The following PARD3 variants were observed in gnomAD, a reference collection of about 807,000 sequenced individuals.
PARD3 encodes partitioning defective 3 homolog.
Under a neutral mutation model 155.4 loss-of-function variants are expected in PARD3, and 75 were observed. The ratio of observed to expected loss-of-function variants is 0.48; its 90% CI spans 0.40 to 0.58. The LOEUF (loss-of-function observed/expected upper bound fraction) is 0.58. Among genes scored for constraint, PARD3 ranks in the 20% least tolerant of loss-of-function variants. The pLI, the probability that PARD3 is intolerant of heterozygous loss-of-function variation, is 0.00. For missense variants in PARD3, 1,642 were observed against 1,721.7 expected, an observed-to-expected ratio of 0.95 and a Z score of 0.82; for synonymous variants, 576 against 610.5, an observed-to-expected ratio of 0.94 and a Z score of 0.83.
intron 22 of PARD3, among the ~76,000 whole-genome samples, chr10:34,192,782 G>A (rs1009844782): frequency 3.3e-5 from 5 of 152,224 alleles, no homozygotes; most frequent in African/African-American, 1.2e-4. Context: ...GTTATCTCCA[G>A]GCTTTCTAAG....
At chr10:34,391,340 T>C (rs1192675129) in intron 7 of PARD3, among the ~76,000 whole-genome samples, 1 of 152,220 alleles carries the variant, frequency 6.6e-6, no homozygotes, top group Non-Finnish European at 1.5e-5. Context: ...TAGAATTCTA[T>C]GCACTACTGC....
intron 19 of PARD3, 44 bp downstream of exon 19, chr10:34,331,073 G>C (rs1589205099): frequency 1.3e-6 from 2 of 1,484,350 alleles, no homozygotes; most frequent in Non-Finnish European, 1.9e-6. Flanking sequence ...TTAAGAAATA[G>C]AGTCTAATTT....
chr10:34,109,698 C>T lies in PARD3; in HGVS notation c.*1471G>A, dbSNP rs546752833. The T allele has an allele frequency of 6.6e-6, 1 of 152,174 alleles. No individual in the cohort carries two copies. The highest frequency in any genetic ancestry group is 2.1e-4 in the South Asian group (1 of 4,808). 9.4% of individuals were successfully genotyped at this position (152,174 alleles called of 1,614,324 possible). A position where few individuals can be genotyped will look rare whatever the true frequency, so the allele number is the denominator to read the frequency against. On this transcript the variant is annotated 3_prime_UTR_variant, in exon 25 of 25. Transcript: ENST00000374788. ...GTACACTGGTAACACCACTTAGACA[C>T]CGCCGCACGTGATTAAGAAACAGAA... is the stretch of plus-strand genomic sequence containing the variant.
intron 23 of PARD3, among the ~76,000 whole-genome samples, chr10:34,129,823 A>G (rs1230120059): frequency 6.8e-6 from 1 of 147,236 alleles, no homozygotes; most frequent in Non-Finnish European, 1.5e-5. Flanking sequence ...ACATCCGGGT[A>G]ATTAAAAACT....
chr10:34,606,139 T>C (rs758821726), intron 2 of PARD3, among the ~76,000 whole-genome samples: 43 of 147,462 alleles, frequency 2.9e-4, no homozygotes, highest in Non-Finnish European at 5.4e-4. Context: ...TATATTACTA[T>C]ACATATATAA....
rs1323865538 is a variant in PARD3 at position 34,309,547 on chromosome 10, C to CAAAAAAAAA, written c.3065+7559_3065+7560insTTTTTTTTT. Among the ~76,000 whole-genome samples, 16 of 46,648 alleles carry CAAAAAAAAA rather than the reference C, an allele frequency of 3.4e-4. 1 individual carries two copies. The Admixed American group carries it at 4.5e-3, about 13-fold the overall frequency. The allele number at this position is 46,648 out of a possible 152,430, so 30.6% of individuals were successfully genotyped here. A position where few individuals can be genotyped will look rare whatever the true frequency, so the allele number is the denominator to read the frequency against. ...ACTCCTGCTGAGCAAGACCCTGTCT[C>CAAAAAAAAA]CAAAAAAAAAAAAAAAAAAAAAAAA... is the stretch of plus-strand genomic sequence containing the variant. On this transcript the variant is annotated intron_variant, in intron 20 of 24. Transcript: ENST00000374788.
intron 22 of PARD3, among the ~76,000 whole-genome samples, chr10:34,219,005 T>C (rs549687732): frequency 6.6e-6 from 1 of 152,270 alleles, no homozygotes; most frequent in East Asian, 1.9e-4. Flanking sequence ...AAAGTAGCCA[T>C]AGTATTTAAA....
At chr10:34,773,205 A>G (rs1839117329) in intron 1 of PARD3, among the ~76,000 whole-genome samples, 1 of 152,192 alleles carries the variant, frequency 6.6e-6, no homozygotes, top group Non-Finnish European at 1.5e-5. Flanking sequence ...TTGCCCCACA[A>G]CTAATAACAC....
chr10:34,604,054 AT>A (rs2090016899), intron 2 of PARD3, among the ~76,000 whole-genome samples: 1 of 152,144 alleles, frequency 6.6e-6, no homozygotes, highest in African/African-American at 2.4e-5. Flanking sequence ...AAGTGAGTAA[AT>A]CCCCTCAGGC....
At chr10:34,603,732 A>C (rs998443485) in intron 2 of PARD3, among the ~76,000 whole-genome samples, 1 of 152,214 alleles carries the variant, frequency 6.6e-6, no homozygotes, top group Non-Finnish European at 1.5e-5. Flanking sequence ...GCAGAAAATG[A>C]GCACAGAATG....
At chr10:34,812,932 T>TGGAGG (rs1844385941) in intron 1 of PARD3, among the ~76,000 whole-genome samples, 2 of 152,192 alleles carry the variant, frequency 1.3e-5, no homozygotes, top group African/African-American at 4.8e-5. Flanking sequence ...ACCAAGGCCC[T>TGGAGG]GCACTCTAGC....
intron 20 of PARD3, among the ~76,000 whole-genome samples, chr10:34,310,944 T>C (rs948015540): frequency 6.6e-6 from 1 of 152,262 alleles, no homozygotes; most frequent in Non-Finnish European, 1.5e-5. Flanking sequence ...TGGAGAAGCA[T>C]TGTTTTCTAT....
intron 22 of PARD3, among the ~76,000 whole-genome samples, chr10:34,182,948 A>C (rs1950329609): frequency 6.6e-6 from 1 of 152,212 alleles, no homozygotes; most frequent in Non-Finnish European, 1.5e-5. Context: ...AAACATTTCA[A>C]TTATCCTAAC....
At chr10:34,631,278 T>A (rs1319839042) in intron 2 of PARD3, among the ~76,000 whole-genome samples, 2 of 152,020 alleles carry the variant, frequency 1.3e-5, no homozygotes. Flanking sequence ...CGAAATGTGG[T>A]ACAAAAACAC....
chr10:34,165,579 C>A lies in PARD3; in HGVS notation c.3420-33996G>T, dbSNP rs927454093. On this transcript the variant is annotated intron_variant, in intron 22 of 24. Transcript: ENST00000374788. ...ACAGAGCCAGTGCCACCCCTCTCTG[C>A]CTTCTCAACACCCAACAATTTGGCC... is the stretch of plus-strand genomic sequence containing the variant. Among the ~76,000 whole-genome samples, 9 of 152,344 alleles carry A rather than the reference C, an allele frequency of 5.9e-5. 1 individual carries two copies. The highest frequency in any genetic ancestry group is 1.3e-4 in the Admixed American group (2 of 15,306).
At chr10:34,756,770 T>C (rs1374261863) in intron 1 of PARD3, among the ~76,000 whole-genome samples, 1 of 152,204 alleles carries the variant, frequency 6.6e-6, no homozygotes, top group Non-Finnish European at 1.5e-5. Flanking sequence ...TTCATCATTT[T>C]AAAGACAATC....
intron 2 of PARD3, among the ~76,000 whole-genome samples, chr10:34,555,157 C>A (rs1452415038): frequency 6.6e-6 from 1 of 152,148 alleles, no homozygotes; most frequent in Non-Finnish European, 1.5e-5. Flanking sequence ...TCAACTGTAA[C>A]AAATGTTCCA....
chr10:34,340,881 C>T (rs74134106), intron 16 of PARD3, among the ~76,000 whole-genome samples: 3,034 of 152,084 alleles, frequency 0.02, 88 homozygotes, highest in African/African-American at 0.07. Context: ...ATAAAAGACC[C>T]CAGAGAAAGG....
At chr10:34,489,647 T>C (rs562531135) in intron 3 of PARD3, among the ~76,000 whole-genome samples, 2 of 152,344 alleles carry the variant, frequency 1.3e-5, no homozygotes, top group African/African-American at 4.8e-5. Context: ...ACCTTCAAAG[T>C]GCAGAGATCT....
Sources: gnomAD v4.1 joint callset for allele counts (sites outside exome capture counted in the v4.1 genomes callset) on GRCh38, gnomAD v4.1.1 for gene constraint, MANE v1.5 for transcripts, NCBI Gene and HGNC (gene_info 2026-07-23, HGNC 2026-07-21) for gene names.